Variants in PIWIL2 observed in about 807,000 individuals in gnomAD.
PIWIL2 encodes the protein piwi like RNA-mediated gene silencing 2, also known as piwi-like protein 2.
PIWIL2 carries 81 observed loss-of-function variants against 116.5 expected under a neutral mutation model. The ratio of observed to expected loss-of-function variants is 0.70; its 90% CI spans 0.58 to 0.84. PIWIL2 has a LOEUF of 0.84. PIWIL2 is among the 40% of genes least tolerant of loss of function. The probability of loss-of-function intolerance (pLI) is 0.00; values close to 1 mark genes in which losing one functional copy is unlikely to be tolerated. For missense variants in PIWIL2, 1,272 were observed against 1,212.3 expected (o/e 1.05, Z -0.73); for synonymous variants, 489 against 429.5 (o/e 1.14, Z -1.71).
At chr8:22,296,044 TTTTTTTTTTTTTTTG>T (rs1830895722) in intron 10 of PIWIL2, among the ~76,000 whole-genome samples, 1 of 121,826 alleles carries the variant, frequency 8.2e-6, no homozygotes, top group African/African-American at 3.1e-5. Context: ...TTTTTTTTTT[TTTTTTTTTTTTTTTG>T]TTGTTGTTGT....
At chr8:22,301,374 C>A (rs997723945) in intron 10 of PIWIL2, among the ~76,000 whole-genome samples, 1 of 152,068 alleles carries the variant, frequency 6.6e-6, no homozygotes, top group Admixed American at 6.6e-5. Context: ...TCTCAGCTCA[C>A]GGTAGCCTCT....
At chr8:22,315,255 C>G in intron 18 of PIWIL2, 110 bp downstream of exon 18, 1 of 670,196 alleles carries the variant, frequency 1.5e-6, no homozygotes, top group Non-Finnish European at 2.7e-6. Flanking sequence ...ACTCAGTAGT[C>G]TAAATGGCTC....
chr8:22,313,052 A>C (rs1428215859), intron 16 of PIWIL2, among the ~76,000 whole-genome samples: 3 of 152,170 alleles, frequency 2.0e-5, no homozygotes, highest in Non-Finnish European at 4.4e-5. Context: ...AGAATAACCC[A>C]GCCCAGTACA....
chr8:22,340,957 C>G (rs1337857718), intron 20 of PIWIL2, among the ~76,000 whole-genome samples: 2 of 152,144 alleles, frequency 1.3e-5, no homozygotes, highest in Non-Finnish European at 2.9e-5. Context: ...AAGCAGTTCT[C>G]CCGCCTTGCC....
At position 22,355,509 on chromosome 8, in the gene PIWIL2, C is replaced by T; in HGVS notation, c.*4C>T. On this transcript the variant is annotated 3_prime_UTR_variant, in exon 23 of 23. Transcript: ENST00000356766. ...CGAGAACCTGTTCTTCCTGTGACTGCACAGCTTGGAGATGGGCTGGTGAGA... is the reference window on the plus strand; with the variant it reads ...CGAGAACCTGTTCTTCCTGTGACTGTACAGCTTGGAGATGGGCTGGTGAGA... The T allele has an allele frequency of 6.2e-7, 1 of 1,613,286 alleles. No individual in the cohort carries two copies. The highest frequency in any genetic ancestry group is 8.5e-7 in the Non-Finnish European group (1 of 1,179,700).
At chr8:22,353,664 C>T (rs935631133) in intron 21 of PIWIL2, among the ~76,000 whole-genome samples, 1 of 148,326 alleles carries the variant, frequency 6.7e-6, no homozygotes, top group African/African-American at 2.5e-5. Context: ...GATTTAAAAA[C>T]AAGAAAGCTT....
chr8:22,304,236 C>T, intron 11 of PIWIL2, 27 bp downstream of exon 11: 2 of 1,548,098 alleles, frequency 1.3e-6, no homozygotes, highest in Non-Finnish European at 1.8e-6. Context: ...GGGTTTGGGC[C>T]TCAGGGTGGG....
At chr8:22,338,612 A>T (rs2132090676) in intron 20 of PIWIL2, among the ~76,000 whole-genome samples, 1 of 152,190 alleles carries the variant, frequency 6.6e-6, no homozygotes, top group South Asian at 2.1e-4. Flanking sequence ...GAATCACTTG[A>T]ACCCAGGAGG....
chr8:22,287,078 CTATCTCAAAAAA>C (rs1830644683), intron 6 of PIWIL2, among the ~76,000 whole-genome samples: 1 of 149,840 alleles, frequency 6.7e-6, no homozygotes, highest in Non-Finnish European at 1.5e-5. Flanking sequence ...AAGGAAGACC[CTATCTCAAAAAA>C]AAAAAGGGAG....
At chr8:22,331,692 A>G (rs1208996384) in intron 20 of PIWIL2, among the ~76,000 whole-genome samples, 2 of 152,092 alleles carry the variant, frequency 1.3e-5, no homozygotes, top group East Asian at 1.9e-4. Context: ...ACAGAAATTT[A>G]TTTCCTCACA....
At chr8:22,344,030 A>G (rs1459150281) in intron 20 of PIWIL2, among the ~76,000 whole-genome samples, 1 of 152,254 alleles carries the variant, frequency 6.6e-6, no homozygotes, top group African/African-American at 2.4e-5. Flanking sequence ...GCATCCAGAC[A>G]ATGGAATATT....
At chr8:22,277,025 A>G (rs1373912439) in intron 1 of PIWIL2, among the ~76,000 whole-genome samples, 3 of 134,636 alleles carry the variant, frequency 2.2e-5, no homozygotes, top group African/African-American at 6.1e-5. Flanking sequence ...AGTGATATAT[A>G]TATATATATT....
In PIWIL2 at chr8:22,295,478, C is replaced by A. The variant is rs187344421; in HGVS notation, c.1181+5132C>A. Among the ~76,000 whole-genome samples the A allele has an allele frequency of 2.0e-4, 30 of 152,270 alleles. 1 individual carries two copies. In the South Asian group the frequency reaches 4.4e-3, roughly 22 times the overall value. On this transcript the variant is annotated intron_variant, in intron 10 of 22. Transcript: ENST00000356766. ...TTTCATTCCCCTCCCGTCCAAATAC[C>A]ACATTTTTGGGGTGATCTAGATCTA...
chr8:22,349,051 C>CCT (rs770834311), intron 20 of PIWIL2, among the ~76,000 whole-genome samples: 1 of 136,810 alleles, frequency 7.3e-6, no homozygotes, highest in Non-Finnish European at 1.6e-5. Flanking sequence ...TTTCTTTTTT[C>CCT]TTTTTTTTTT....
chr8:22,300,744 GAAT>G (rs1446772562), intron 10 of PIWIL2, among the ~76,000 whole-genome samples: 2 of 152,232 alleles, frequency 1.3e-5, no homozygotes, highest in East Asian at 3.9e-4. Flanking sequence ...TTTTCCTAGT[GAAT>G]AATGATGTAG....
At chr8:22,294,358 A>G (rs1273126248) in intron 10 of PIWIL2, among the ~76,000 whole-genome samples, 147 of 135,600 alleles carry the variant, frequency 1.1e-3, no homozygotes, top group Middle Eastern at 4.8e-3. Flanking sequence ...AAAAAAAAAA[A>G]GGTCCGAGCG....
chr8:22,280,094 C>G (rs1231071100), intron 2 of PIWIL2, among the ~76,000 whole-genome samples: 1 of 152,158 alleles, frequency 6.6e-6, no homozygotes, highest in Non-Finnish European at 1.5e-5. Context: ...AGAAGTACCT[C>G]ATAATGAGCG....
At chr8:22,276,706 G>T (rs1830380792) in intron 1 of PIWIL2, among the ~76,000 whole-genome samples, 1 of 152,118 alleles carries the variant, frequency 6.6e-6, no homozygotes, top group Non-Finnish European at 1.5e-5. Context: ...TTTGAGACCA[G>T]CCTGGGCAAC....
intron 10 of PIWIL2, among the ~76,000 whole-genome samples, chr8:22,294,437 C>G (rs977645477): frequency 2.0e-5 from 3 of 149,182 alleles, no homozygotes; most frequent in Non-Finnish European, 3.0e-5. Flanking sequence ...GTCAGGCGAT[C>G]GAGACCATCC....
Sources: allele counts gnomAD v4.1 joint callset (sites outside exome capture counted in the v4.1 genomes callset), GRCh38; gene constraint gnomAD v4.1.1; transcripts MANE v1.5; gene names NCBI Gene and HGNC (gene_info 2026-07-23, HGNC 2026-07-21).